The following HBS1L variants were observed in gnomAD, a reference collection of about 807,000 sequenced individuals.
HBS1L encodes HBS1-like protein.
Under a neutral mutation model 88.9 loss-of-function variants are expected in HBS1L, and 55 were observed. The ratio of observed to expected loss-of-function variants is 0.62; its 90% confidence interval spans 0.50 to 0.77. The LOEUF is 0.77. Ranked by LOEUF, HBS1L falls within the 30% of genes least tolerant of loss-of-function variation. The pLI, the probability that HBS1L is intolerant of heterozygous loss-of-function variation, is 0.00. For synonymous variants in HBS1L, 267 were observed against 288.5 expected, an observed-to-expected ratio of 0.93 and a Z score of 0.76; for missense variants, 741 against 829.3, an observed-to-expected ratio of 0.89 and a Z score of 1.31.
chr6:135,005,442 G>A (rs1775583790), intron 4 of HBS1L, among the ~76,000 whole-genome samples: 1 of 152,132 alleles, frequency 6.6e-6, no homozygotes, highest in Admixed American at 6.5e-5. Context: ...CAATTCACTG[G>A]GGCTATTATA....
intron 8 of HBS1L, among the ~76,000 whole-genome samples, chr6:134,989,524 T>C (rs1269911151): frequency 1.3e-5 from 2 of 152,196 alleles, no homozygotes; most frequent in Admixed American, 6.5e-5. Flanking sequence ...TTCTGTGCTC[T>C]CCAGTTTTTA....
At chr6:135,004,243 G>T (rs997269287) in intron 4 of HBS1L, among the ~76,000 whole-genome samples, 38 of 144,008 alleles carry the variant, frequency 2.6e-4, no homozygotes, top group Admixed American at 7.1e-5. Flanking sequence ...TCCTAGCGGG[G>T]AAAACATACT....
intron 2 of HBS1L, among the ~76,000 whole-genome samples, chr6:135,043,193 G>C (rs1405298336): frequency 1.3e-5 from 2 of 152,212 alleles, no homozygotes; most frequent in Non-Finnish European, 2.9e-5. Context: ...AGCTCTACTG[G>C]ATGGCCACTG....
intron 9 of HBS1L, among the ~76,000 whole-genome samples, chr6:134,987,076 T>C (rs1269737315): frequency 6.6e-6 from 1 of 152,120 alleles, no homozygotes; most frequent in Non-Finnish European, 1.5e-5. Flanking sequence ...TGAACCATTT[T>C]CTAAATACAT....
At chr6:134,979,629 T>A (rs1161998987) in intron 13 of HBS1L, among the ~76,000 whole-genome samples, 1 of 152,088 alleles carries the variant, frequency 6.6e-6, no homozygotes. Flanking sequence ...ACAGTTCAAA[T>A]TATTCATAAT....
intron 4 of HBS1L, among the ~76,000 whole-genome samples, chr6:135,003,820 G>A (rs1775533329): frequency 6.6e-6 from 1 of 151,964 alleles, no homozygotes; most frequent in Non-Finnish European, 1.5e-5. Flanking sequence ...AACCAATATT[G>A]CACCACTGCA....
At position 134,962,902 on chromosome 6, in the gene HBS1L, T is replaced by C. The variant is rs571259596; in HGVS notation, c.*2377A>G. 6.6e-6 allele frequency: 1 copy of C among 152,318 alleles called. No homozygotes were observed. Among genetic ancestry groups the C allele is most frequent in the African/African-American group, 2.4e-5 (1 of 41,588 alleles). 9.4% of individuals were successfully genotyped at this position (152,318 alleles called of 1,614,324 possible). On this transcript the variant is annotated 3_prime_UTR_variant, in exon 18 of 18. Coordinates refer to ENST00000367837, the MANE Select transcript of HBS1L (RefSeq NM_006620.4). ...GAGCCTTCCACTGCCAACAGTCTTC[T>C]TACACAGTGGATCCTCGAAATAATA...
intron 4 of HBS1L, among the ~76,000 whole-genome samples, chr6:135,016,189 C>A (rs996751898): frequency 6.6e-6 from 1 of 152,124 alleles, no homozygotes; most frequent in Non-Finnish European, 1.5e-5. Flanking sequence ...CCCAGCCCCT[C>A]TAAAAATATT....
chr6:135,044,762 T>C (rs1468845093), intron 2 of HBS1L, among the ~76,000 whole-genome samples: 1 of 152,156 alleles, frequency 6.6e-6, no homozygotes, highest in African/African-American at 2.4e-5. Context: ...ACAAACATCC[T>C]TCCCCCAACT....
chr6:135,012,810 T>C (rs1411273723), intron 4 of HBS1L, among the ~76,000 whole-genome samples: 4 of 152,222 alleles, frequency 2.6e-5, no homozygotes, highest in Non-Finnish European at 5.9e-5. Context: ...GTGCCAAGAT[T>C]TGTGATTATT....
chr6:135,054,731 TC>T lies in HBS1L; in HGVS notation c.-41del. ...CGTTTGCCACAGCCCCTTAACTCCTTCCAAAACACTCCGCTTAGATACTGAT... is the reference window on the plus strand; with the variant it reads ...CGTTTGCCACAGCCCCTTAACTCCTTCAAAACACTCCGCTTAGATACTGAT... On this transcript the variant is annotated 5_prime_UTR_variant, in exon 1 of 18. Coordinates refer to ENST00000367837, the MANE Select transcript of HBS1L (RefSeq NM_006620.4). The T allele has an allele frequency of 6.2e-7, 1 of 1,612,216 alleles. No homozygotes were observed. Among genetic ancestry groups the T allele is most frequent in the Non-Finnish European group, 8.5e-7 (1 of 1,178,694 alleles).
intron 15 of HBS1L, among the ~76,000 whole-genome samples, chr6:134,977,832 A>C (rs1049165558): frequency 2.0e-5 from 3 of 152,058 alleles, no homozygotes; most frequent in African/African-American, 7.2e-5. Flanking sequence ...AATGGGAAAA[A>C]TGGTCATCTG....
At chr6:134,976,029 A>G (rs907115220) in intron 15 of HBS1L, among the ~76,000 whole-genome samples, 2 of 152,154 alleles carry the variant, frequency 1.3e-5, no homozygotes, top group Admixed American at 6.6e-5. Context: ...ACTAGTATCC[A>G]GAATCTACAA....
intron 3 of HBS1L, among the ~76,000 whole-genome samples, chr6:135,040,119 G>C (rs949613906): frequency 1.3e-5 from 2 of 152,144 alleles, no homozygotes; most frequent in Non-Finnish European, 2.9e-5. Flanking sequence ...AAAGGAAGGG[G>C]TGAGTGTGGA....
chr6:134,996,974 G>T (rs181695321), intron 6 of HBS1L, 32 bp from the exon 7 acceptor site: 2 of 1,496,924 alleles, frequency 1.3e-6, no homozygotes, highest in Admixed American at 2.2e-5. Flanking sequence ...TTAATACCAG[G>T]TACATTTCCA....
intron 4 of HBS1L, chr6:135,036,929 A>G: frequency 6.4e-7 from 1 of 1,551,672 alleles, no homozygotes; most frequent in South Asian, 1.2e-5. Context: ...GGAGCAATGG[A>G]TGGGTCTACT....
chr6:134,994,276 T>C lies in HBS1L; in HGVS notation c.966-401A>G, dbSNP rs191994767. On this transcript the variant is annotated intron_variant, in intron 7 of 17. Transcript: ENST00000367837. The stretch of plus-strand genomic sequence containing the variant: ...TTTTCTTCACGTTCTACACTTATGC[T>C]TCACTAATTATAGAAATGAGCTTAT... Among the ~76,000 whole-genome samples the C allele has an allele frequency of 9.5e-4, 144 of 152,228 alleles. 1 individual carries two copies. Among genetic ancestry groups the C allele is most frequent in the African/African-American group, 3.3e-3 (137 of 41,560 alleles).
chr6:134,968,276 T>C (rs539578153), intron 16 of HBS1L, among the ~76,000 whole-genome samples: 1 of 150,842 alleles, frequency 6.6e-6, no homozygotes, highest in Non-Finnish European at 1.5e-5. Context: ...TGAGATGGAG[T>C]TTCACTCTGT....
At chr6:135,028,643 T>C (rs183944152) in intron 4 of HBS1L, among the ~76,000 whole-genome samples, 13 of 152,238 alleles carry the variant, frequency 8.5e-5, no homozygotes, top group African/African-American at 2.9e-4. Flanking sequence ...GATGAAACCA[T>C]CTTAAATGTT....
Sources: gnomAD v4.1 joint callset for allele counts (sites outside exome capture counted in the v4.1 genomes callset) on GRCh38, gnomAD v4.1.1 for gene constraint, MANE v1.5 for transcripts, NCBI Gene and HGNC (gene_info 2026-07-23, HGNC 2026-07-21) for gene names.